The following RGSL1 variants were observed in gnomAD, a reference collection of about 807,000 sequenced individuals.
RGSL1 encodes the protein regulator of G protein signaling protein-like.
RGSL1 carries 97 observed loss-of-function variants against 124.7 expected under a neutral mutation model. That is an observed-to-expected ratio of 0.78 (90% CI 0.66 to 0.92). RGSL1 has a LOEUF of 0.92. RGSL1 is among the 40% of genes least tolerant of loss of function. The probability of loss-of-function intolerance (pLI) is 0.00; values close to 1 mark genes in which losing one functional copy is unlikely to be tolerated. For missense variants in RGSL1, 1,233 were observed against 1,288.4 expected (o/e 0.96, Z 0.66); for synonymous variants, 424 against 438.1 (o/e 0.97, Z 0.40).
At chr1:182,493,495 CCT>C (rs1655684866) in intron 9 of RGSL1, among the ~76,000 whole-genome samples, 1 of 152,060 alleles carries the variant, frequency 6.6e-6, no homozygotes, top group African/African-American at 2.4e-5. Flanking sequence ...GGGAATAATA[CCT>C]CTAAGAGAGT....
chr1:182,551,170 C>A lies in RGSL1; in HGVS notation c.3004C>A (p.Pro1002Thr). The change falls in exon 18 of 22, where the codon CCT becomes ACT. Residue 1002 changes from proline (P) to threonine (T), a missense_variant. By Grantham distance (38) the Pro-to-Thr change is conservative. Transcript: ENST00000294854. Reference sequence around the variant, plus strand: ...GAAGAAGTTCAAGGACAGAAAAAGCCCTCCTAAATCTACGGACAAGTATCC... The same window carrying A: ...GAAGAAGTTCAAGGACAGAAAAAGCACTCCTAAATCTACGGACAAGTATCC... ...RGKKFKDRKS[P>T]PKSTDKYPFS... 1 of 1,551,692 alleles carries A rather than the reference C, an allele frequency of 6.4e-7. No homozygotes were observed. The highest frequency in any genetic ancestry group is 8.7e-7 in the Non-Finnish European group (1 of 1,146,970).
intron 15 of RGSL1, among the ~76,000 whole-genome samples, chr1:182,548,047 GGC>G (rs1480587915): frequency 6.6e-6 from 1 of 152,176 alleles, no homozygotes; most frequent in Admixed American, 6.5e-5. Context: ...AATGCTGTAG[GGC>G]CAGAATGGGT....
At chr1:182,453,067 A>G (rs1314737302) in intron 1 of RGSL1, among the ~76,000 whole-genome samples, 1 of 152,244 alleles carries the variant, frequency 6.6e-6, no homozygotes, top group Non-Finnish European at 1.5e-5. Context: ...ACTCTTATTT[A>G]CTAGAGGAGT....
intron 6 of RGSL1, among the ~76,000 whole-genome samples, chr1:182,486,486 G>GCACGC (rs1025686416): frequency 2.0e-5 from 3 of 151,540 alleles, no homozygotes; most frequent in African/African-American, 7.3e-5. Flanking sequence ...TCCCATAGGT[G>GCACGC]CACGCCACCA....
chr1:182,539,656 C>T (rs2333146), intron 14 of RGSL1, among the ~76,000 whole-genome samples: 78,741 of 151,992 alleles, frequency 0.52, 20,662 homozygotes, highest in Non-Finnish European at 0.55. Context: ...TGAATCCCTA[C>T]GAATAGATGT....
In RGSL1 at chr1:182,556,056, A is replaced by C; in HGVS notation, c.3230A>C (p.Ter1077SerextTer44). The C allele has an allele frequency of 6.4e-7, 1 of 1,551,500 alleles. No individual in the cohort carries two copies. Among genetic ancestry groups the C allele is most frequent in the Non-Finnish European group, 8.7e-7 (1 of 1,146,770 alleles). ...QKLSYIKKEK[*>S] The stretch of plus-strand genomic sequence containing the variant: ...TTATCCTACATCAAAAAAGAGAAGT[A>C]ATCAAGCGAGACCCCCAGCAGAGAT... The change falls in exon 21 of 22, where the codon TAA (stop) becomes TCA (serine). Residue 1077 changes from the stop codon to serine (S), a stop_lost. Transcript: ENST00000294854.
At chr1:182,507,683 A>G (rs1001073604) in intron 9 of RGSL1, among the ~76,000 whole-genome samples, 4 of 152,178 alleles carry the variant, frequency 2.6e-5, no homozygotes, top group South Asian at 4.2e-4. Context: ...TAGTACTACA[A>G]TGAACATGGG....
intron 2 of RGSL1, among the ~76,000 whole-genome samples, chr1:182,456,220 T>C (rs1652307007): frequency 6.6e-6 from 1 of 152,086 alleles, no homozygotes. Flanking sequence ...AAAAGGCCTC[T>C]CGGGGAGTGG....
intron 4 of RGSL1, among the ~76,000 whole-genome samples, chr1:182,469,239 A>G (rs888794590): frequency 1.3e-5 from 2 of 152,206 alleles, no homozygotes; most frequent in South Asian, 4.1e-4. Flanking sequence ...AAAGAATGGA[A>G]GAAAATACTT....
intron 4 of RGSL1, among the ~76,000 whole-genome samples, chr1:182,461,969 A>G (rs2102001568): frequency 6.6e-6 from 1 of 152,278 alleles, no homozygotes; most frequent in Middle Eastern, 3.4e-3. Flanking sequence ...AATGGCTAAA[A>G]ACCTCTCAAA....
intron 6 of RGSL1, among the ~76,000 whole-genome samples, chr1:182,474,821 G>C (rs1040742410): frequency 6.6e-6 from 1 of 152,212 alleles, no homozygotes; most frequent in Non-Finnish European, 1.5e-5. Flanking sequence ...TGTCAGATCA[G>C]TGGCAGCATT....
intron 9 of RGSL1, among the ~76,000 whole-genome samples, chr1:182,498,871 C>T (rs1369840286): frequency 4.0e-5 from 6 of 151,380 alleles, no homozygotes; most frequent in African/African-American, 1.5e-4. Flanking sequence ...TGGCTCACTG[C>T]AACCTCCACC....
chr1:182,454,084 G>C, intron 2 of RGSL1, 44 bp downstream of exon 2: 2 of 1,126,200 alleles, frequency 1.8e-6, no homozygotes, highest in Admixed American at 4.0e-5. Context: ...ATCAGCAGCT[G>C]AATAGTGAAT....
intron 9 of RGSL1, among the ~76,000 whole-genome samples, chr1:182,511,612 T>C (rs1657468517): frequency 6.6e-6 from 1 of 152,250 alleles, no homozygotes; most frequent in African/African-American, 2.4e-5. Context: ...CATTGGTCTA[T>C]GTATCTGTTT....
chr1:182,482,676 G>A (rs1318441293), intron 6 of RGSL1, among the ~76,000 whole-genome samples: 1 of 152,198 alleles, frequency 6.6e-6, no homozygotes, highest in Non-Finnish European at 1.5e-5. Flanking sequence ...TTGTGGGAGT[G>A]TAAATTGGTG....
intron 2 of RGSL1, among the ~76,000 whole-genome samples, chr1:182,456,350 G>C (rs888543279): frequency 6.6e-6 from 1 of 150,716 alleles, no homozygotes; most frequent in Non-Finnish European, 1.5e-5. Context: ...AGGCTGGAGT[G>C]CAGTGGCACA....
At chr1:182,503,267 A>T (rs945912881) in intron 9 of RGSL1, among the ~76,000 whole-genome samples, 6 of 152,184 alleles carry the variant, frequency 3.9e-5, no homozygotes, top group Admixed American at 1.3e-4. Flanking sequence ...GTCCATCTTG[A>T]TGCAAGATTT....
chr1:182,464,579 C>G (rs1044032550), intron 4 of RGSL1, among the ~76,000 whole-genome samples: 7 of 151,690 alleles, frequency 4.6e-5, no homozygotes, highest in African/African-American at 1.7e-4. Flanking sequence ...CAAAAATTAT[C>G]TAGGCATGTT....
chr1:182,531,511 G>T (rs1161225740), intron 13 of RGSL1, among the ~76,000 whole-genome samples: 1 of 152,132 alleles, frequency 6.6e-6, no homozygotes, highest in Non-Finnish European at 1.5e-5. Context: ...GAGTTGGTCA[G>T]TATCAGAAAA....
Sources: allele counts gnomAD v4.1 joint callset (sites outside exome capture counted in the v4.1 genomes callset), GRCh38; gene constraint gnomAD v4.1.1; transcripts MANE v1.5; gene names NCBI Gene and HGNC (gene_info 2026-07-23, HGNC 2026-07-21).